Variants in TJP1 observed in about 807,000 individuals in gnomAD.
TJP1 encodes tight junction protein ZO-1.
Under a neutral mutation model 194.2 loss-of-function variants are expected in TJP1, and 43 were observed. The ratio of observed to expected loss-of-function variants is 0.22; its 90% confidence interval spans 0.17 to 0.29. The LOEUF (loss-of-function observed/expected upper bound fraction) is 0.29. Among genes scored for constraint, TJP1 ranks in the 10% least tolerant of loss-of-function variants. The pLI is 1.00. For missense variants in TJP1, 1,971 were observed against 2,185.7 expected (o/e 0.90, Z 1.96); for synonymous variants, 801 against 779.0 (o/e 1.03, Z -0.47).
At chr15:29,784,978 T>C (rs2047608394) in intron 2 of TJP1, among the ~76,000 whole-genome samples, 1 of 152,236 alleles carries the variant, frequency 6.6e-6, no homozygotes, top group African/African-American at 2.4e-5. Flanking sequence ...ATATGCTCTC[T>C]GTATTAGACT....
chr15:29,959,713 CG>C (rs1422005767), intron 1 of TJP1, among the ~76,000 whole-genome samples: 1 of 152,168 alleles, frequency 6.6e-6, no homozygotes, highest in Non-Finnish European at 1.5e-5. Context: ...CTCAAAATTA[CG>C]GGTCCACTGA....
At chr15:29,735,023 C>T (rs1027816570) in intron 11 of TJP1, among the ~76,000 whole-genome samples, 21 of 152,102 alleles carry the variant, frequency 1.4e-4, no homozygotes, top group African/African-American at 5.1e-4. Context: ...ACTAAAAAGA[C>T]AATCTGCACT....
At chr15:29,771,791 C>G (rs1595839538) in intron 4 of TJP1, among the ~76,000 whole-genome samples, 1 of 146,732 alleles carries the variant, frequency 6.8e-6, no homozygotes, top group African/African-American at 2.5e-5. Flanking sequence ...GGCGACAGAG[C>G]GAGACTCCGT....
intron 1 of TJP1, among the ~76,000 whole-genome samples, chr15:29,815,199 A>G (rs1286752087): frequency 6.6e-6 from 1 of 152,236 alleles, no homozygotes; most frequent in Admixed American, 6.5e-5. Context: ...TGCAATAAAT[A>G]AATAAAGATG....
chr15:29,784,567 T>G (rs1346546925), intron 2 of TJP1, among the ~76,000 whole-genome samples: 3 of 152,108 alleles, frequency 2.0e-5, no homozygotes, highest in Non-Finnish European at 4.4e-5. Flanking sequence ...TCCAAAGTGT[T>G]GGGATTACAG....
chr15:29,848,038 C>T (rs561812758), intron 2 of TJP1, among the ~76,000 whole-genome samples: 2 of 151,650 alleles, frequency 1.3e-5, no homozygotes, highest in East Asian at 3.9e-4. Flanking sequence ...GTTACTGTTT[C>T]CTAGTTTGAT....
intron 5 of TJP1, among the ~76,000 whole-genome samples, chr15:29,763,236 T>C (rs527948865): frequency 6.6e-6 from 1 of 152,230 alleles, no homozygotes; most frequent in South Asian, 2.1e-4. Context: ...TTGAGGAAAT[T>C]ACTAGCAGAG....
intron 2 of TJP1, among the ~76,000 whole-genome samples, chr15:29,954,266 T>C (rs2055859349): frequency 6.6e-6 from 1 of 152,216 alleles, no homozygotes; most frequent in Admixed American, 6.5e-5. Flanking sequence ...CTGAAGGCCA[T>C]CTTTTTCTCT....
chr15:29,794,738 A>G (rs2151838920), intron 2 of TJP1, among the ~76,000 whole-genome samples: 1 of 152,340 alleles, frequency 6.6e-6, no homozygotes, highest in Middle Eastern at 3.4e-3. Context: ...CTGAAAAGGT[A>G]GTAAGGAAAA....
At chr15:29,761,308 T>C in intron 7 of TJP1, 22 bp from the exon 8 acceptor site, 1 of 1,613,298 alleles carries the variant, frequency 6.2e-7, no homozygotes, top group Non-Finnish European at 8.5e-7. Flanking sequence ...AGGGTGCTAC[T>C]TATTTTCCCA....
exon 1 of TJP1, chr15:29,968,910 G>A (rs2056425102): frequency 3.4e-5 from 8 of 235,480 alleles, no homozygotes; most frequent in Non-Finnish European, 5.5e-5. Flanking sequence ...CCGCAGCTGC[G>A]GCCGTGCGTG....
At chr15:29,847,220 A>G (rs2051446992) in intron 2 of TJP1, among the ~76,000 whole-genome samples, 1 of 151,922 alleles carries the variant, frequency 6.6e-6, no homozygotes, top group Non-Finnish European at 1.5e-5. Flanking sequence ...TTTTCCTCTC[A>G]GCTTCCAGAG....
chr15:29,725,483 G>A (rs2043184623), intron 18 of TJP1, among the ~76,000 whole-genome samples: 1 of 151,848 alleles, frequency 6.6e-6, no homozygotes, highest in Admixed American at 6.6e-5. Context: ...AACCAACAAG[G>A]AAGTACAAAG....
intron 2 of TJP1, among the ~76,000 whole-genome samples, chr15:29,852,853 G>A (rs939198023): frequency 2.0e-5 from 3 of 151,398 alleles, no homozygotes; most frequent in African/African-American, 4.9e-5. Context: ...GCAGTGAGCC[G>A]AGATCATGCC....
At position 29,753,757 on chromosome 15, in the gene TJP1, A is replaced by G. The variant is rs578125346; in HGVS notation, c.1010+7382T>C. Among the ~76,000 whole-genome samples the G allele has an allele frequency of 1.8e-4, 27 of 151,740 alleles. 1 individual carries two copies. The South Asian group carries it at 5.2e-3, about 29-fold the overall frequency. On this transcript the variant is annotated intron_variant, in intron 8 of 27. Transcript: ENST00000614355. ...TTCGACTCGCTGATTAACCATTGAA[A>G]TACTTAATGAATCATATCTTTCTAA...
chr15:29,726,344 T>G (rs775086293), intron 18 of TJP1, 35 bp downstream of exon 18: 27 of 1,533,254 alleles, frequency 1.8e-5, no homozygotes, highest in Non-Finnish European at 2.4e-5. Flanking sequence ...CATAATTTAC[T>G]GAACAAGTCA....
Position 29,766,329 on chromosome 15 carries a change from C to A in TJP1, c.526G>T (p.Val176Leu), listed in dbSNP as rs1226847080. ...SLSPRSDRRS[V>L]ASSQPAKPTK... ...GGTTTAGCAGGCTGGCTGGAAGCCA[C>A]TGACCGCCTGTCTGACCGCGGGGAC... Residue 176 changes from valine (V) to leucine (L), a missense_variant, in exon 5 of 28, where the codon GTG becomes TTG. This residue lies in a region of TJP1 where 245 missense variants were observed against 336.6 expected (regional missense o/e 0.73). Coordinates refer to ENST00000614355, the MANE Select transcript of TJP1 (RefSeq NM_001330239.4). 6.2e-7 allele frequency: 1 copy of A among 1,614,136 alleles called. No individual in the cohort carries two copies. Among genetic ancestry groups the A allele is most frequent in the Non-Finnish European group, 8.5e-7 (1 of 1,180,054 alleles).
intron 2 of TJP1, among the ~76,000 whole-genome samples, chr15:29,915,577 C>G (rs2054158365): frequency 6.6e-6 from 1 of 152,192 alleles, no homozygotes; most frequent in African/African-American, 2.4e-5. Flanking sequence ...GGATTTTATA[C>G]TAAGATTTAA....
At chr15:29,720,737 T>C (rs770034493) in intron 18 of TJP1, 29 bp from the exon 19 acceptor site, 1 of 1,529,246 alleles carries the variant, frequency 6.5e-7, no homozygotes, top group Admixed American at 1.9e-5. Flanking sequence ...AATTACAAAT[T>C]TTATTCAGTA....
Sources: allele counts gnomAD v4.1 joint callset (sites outside exome capture counted in the v4.1 genomes callset), GRCh38; gene constraint gnomAD v4.1.1; regional missense constraint gnomAD v4.1.1; transcripts MANE v1.5; gene names NCBI Gene and HGNC (gene_info 2026-07-23, HGNC 2026-07-21).